The following ZNF107 variants were observed in gnomAD, a reference collection of about 807,000 sequenced individuals.
ZNF107 encodes the protein zinc finger protein 107.
A neutral mutation model predicts 12.3 loss-of-function variants in ZNF107; 19 were observed. The observed-to-expected ratio is 1.55, with a 90% confidence interval of 1.08 to 2.27. The LOEUF (loss-of-function observed/expected upper bound fraction) is 2.27, where lower values mean the gene tolerates loss of function less well. ZNF107 is among the 30% of genes most tolerant of loss of function. The probability of loss-of-function intolerance (pLI) is 0.00; values close to 1 mark genes in which losing one functional copy is unlikely to be tolerated. For synonymous variants in ZNF107, 317 were observed against 330.5 expected, an observed-to-expected ratio of 0.96 and a Z score of 0.44; for missense variants, 958 against 979.9, an observed-to-expected ratio of 0.98 and a Z score of 0.30.
Position 64,709,831 on chromosome 7 carries a change from G to A in ZNF107, c.*1175G>A. The A allele has an allele frequency of 4.6e-6, 2 of 434,882 alleles. No homozygotes were observed. Among genetic ancestry groups the A allele is most frequent in the Non-Finnish European group, 9.1e-6 (2 of 219,720 alleles). 26.9% of individuals were successfully genotyped at this position (434,882 alleles called of 1,614,324 possible). ...CTTTCAGAAAATATAAGCCTTTAAAGTGAAGAAGAGGAGCCAGTTGTGCTG... is the reference window on the plus strand; with the variant it reads ...CTTTCAGAAAATATAAGCCTTTAAAATGAAGAAGAGGAGCCAGTTGTGCTG... On this transcript the variant is annotated 3_prime_UTR_variant, in exon 4 of 4. Transcript: ENST00000620827.
chr7:64,695,249 TACTC>T (rs1376923986), intron 3 of ZNF107, among the ~76,000 whole-genome samples: 6 of 152,166 alleles, frequency 3.9e-5, no homozygotes, highest in Admixed American at 3.9e-4. Flanking sequence ...TCCTTTTAAA[TACTC>T]ATTTATTAAA....
chr7:64,685,160 A>G (rs1049993148), intron 1 of ZNF107, among the ~76,000 whole-genome samples: 1 of 152,116 alleles, frequency 6.6e-6, no homozygotes, highest in African/African-American at 2.4e-5. Flanking sequence ...AGCCTCACCC[A>G]TTACACAAGT....
intron 3 of ZNF107, among the ~76,000 whole-genome samples, chr7:64,692,950 C>A (rs975642481): frequency 4.1e-4 from 63 of 151,836 alleles, no homozygotes; most frequent in Non-Finnish European, 8.8e-5. Flanking sequence ...CAACCAGCAA[C>A]TTTTTACTTG....
chr7:64,666,349 G>A, intron 1 of ZNF107, 64 bp downstream of exon 1: 6 of 1,582,466 alleles, frequency 3.8e-6, no homozygotes, highest in South Asian at 2.3e-5. Context: ...GATCGGAAGT[G>A]GCTGTGGCTG....
chr7:64,685,144 A>G (rs1789854520), intron 1 of ZNF107, among the ~76,000 whole-genome samples: 1 of 152,172 alleles, frequency 6.6e-6, no homozygotes, highest in African/African-American at 2.4e-5. Context: ...ACGCTCCTAC[A>G]TGTCCAGCCT....
In ZNF107 at chr7:64,707,769, A is replaced by AAAAC; in HGVS notation, c.1672_1673insAAAC (p.Ile558LysfsTer10). 1 of 1,612,242 alleles carries AAAAC rather than the reference A, an allele frequency of 6.2e-7. No individual in the cohort carries two copies. The highest frequency in any genetic ancestry group is 1.7e-5 in the Admixed American group (1 of 59,716). On this transcript the variant is annotated frameshift_variant, in exon 4 of 4. Transcript: ENST00000620827. LOFTEE classifies it low-confidence loss of function (END_TRUNC). ...CTCAACCCTTACTAAACATAAGAGA[A>AAAAC]TTCATACTGGAGAAAAACCCTATAA...
At chr7:64,702,099 A>G (rs1358331127) in intron 3 of ZNF107, among the ~76,000 whole-genome samples, 2 of 152,074 alleles carry the variant, frequency 1.3e-5, no homozygotes, top group Admixed American at 6.6e-5. Flanking sequence ...AAATATTTTC[A>G]TAATGGTCAT....
At chr7:64,675,669 G>C in intron 1 of ZNF107, among the ~76,000 whole-genome samples, 1 of 152,046 alleles carries the variant, frequency 6.6e-6, no homozygotes, top group African/African-American at 2.4e-5. Context: ...CTGCTCTCAT[G>C]CTTTTGTTTA....
At position 64,709,707 on chromosome 7, in the gene ZNF107, G is replaced by A. The variant is rs1445893267; in HGVS notation, c.*1051G>A. 1 of 455,626 alleles carries A rather than the reference G, an allele frequency of 2.2e-6. No individual in the cohort carries two copies. Among genetic ancestry groups the A allele is most frequent in the African/African-American group, 2.0e-5 (1 of 50,032 alleles). 28.2% of individuals were successfully genotyped at this position (455,626 alleles called of 1,614,324 possible). A position where few individuals can be genotyped will look rare whatever the true frequency, so the allele number is the denominator to read the frequency against. ...CTTCAGAAAGATTGTACAAATACAA[G>A]GAATGTGGAAAAGCCATTATTATCT... On this transcript the variant is annotated 3_prime_UTR_variant, in exon 4 of 4. Coordinates refer to ENST00000620827, the MANE Select transcript of ZNF107 (RefSeq NM_001282359.2).
intron 3 of ZNF107, among the ~76,000 whole-genome samples, chr7:64,699,975 G>C (rs1273677680): frequency 6.7e-6 from 1 of 149,490 alleles, no homozygotes; most frequent in African/African-American, 2.5e-5. Flanking sequence ...GCTGAGGCAA[G>C]AGAATGGTGT....
At chr7:64,679,355 T>G (rs1789559190) in intron 1 of ZNF107, 7 of 984,996 alleles carry the variant, frequency 7.1e-6, no homozygotes, top group South Asian at 4.7e-5. Flanking sequence ...CCTCCATCCT[T>G]TCTCAAACTT....
intron 3 of ZNF107, among the ~76,000 whole-genome samples, chr7:64,701,821 A>G (rs970994039): frequency 6.6e-6 from 1 of 152,080 alleles, no homozygotes; most frequent in African/African-American, 2.4e-5. Flanking sequence ...GGGTTTTGTT[A>G]TGTTGCCTAG....
At chr7:64,680,430 G>A (rs984458172) in intron 1 of ZNF107, among the ~76,000 whole-genome samples, 1 of 152,190 alleles carries the variant, frequency 6.6e-6, no homozygotes, top group Non-Finnish European at 1.5e-5. Context: ...GACCACTGGC[G>A]CCTTGAGCCA....
At chr7:64,698,483 T>A (rs1790367540) in intron 3 of ZNF107, among the ~76,000 whole-genome samples, 1 of 151,932 alleles carries the variant, frequency 6.6e-6, no homozygotes, top group African/African-American at 2.4e-5. Context: ...AGTGCAGTGG[T>A]GTGATCTCAG....
Position 64,699,457 on chromosome 7 carries a change from C to T in ZNF107, c.227-6867C>T, listed in dbSNP as rs2128965869. 2.0e-5 allele frequency among the ~76,000 whole-genome samples: 3 copies of T among 152,256 alleles called. No individual in the cohort carries two copies. The East Asian group carries it at 5.8e-4, about 29-fold the overall frequency. ...TTGTTTTGAGACAGGATCTTACTCT[C>T]ACCCAGGCTAAAGTGCAGTGGTATG... On this transcript the variant is annotated intron_variant, in intron 3 of 3. Coordinates refer to ENST00000620827, the MANE Select transcript of ZNF107 (RefSeq NM_001282359.2).
At chr7:64,691,824 T>C in intron 2 of ZNF107, 41 bp from the exon 3 acceptor site, 1 of 1,177,636 alleles carries the variant, frequency 8.5e-7, no homozygotes, top group Non-Finnish European at 1.1e-6. Context: ...TTGGAGAATA[T>C]GATTAAGATT....
At chr7:64,669,070 C>A (rs529794053) in intron 1 of ZNF107, 1 of 122,652 alleles carries the variant, frequency 8.2e-6, no homozygotes, top group Non-Finnish European at 1.6e-5. Context: ...GGCTGAAGGG[C>A]AGTGGTGCGA....
In ZNF107 at chr7:64,707,039, G is replaced by A. The variant is rs199547761; in HGVS notation, c.942G>A (p.Lys314=). The change falls in exon 4 of 4, where the codon AAG becomes AAA. Residue 314 remains lysine (K), a synonymous_variant. Coordinates refer to ENST00000620827, the MANE Select transcript of ZNF107 (RefSeq NM_001282359.2). ...KILHTGENLY[K]CKECGKAFNL... is the part of the protein sequence containing the mutation. ...TTCACACTGGAGAGAACCTCTACAA[G>A]TGTAAAGAATGTGGAAAAGCTTTTA... The A allele has an allele frequency of 3.7e-6, 6 of 1,612,352 alleles. No individual in the cohort carries two copies. In the Admixed American group the frequency reaches 6.7e-5, roughly 18 times the overall value.
rs1790805883 is a variant in ZNF107 at position 64,709,248 on chromosome 7, C to T, written c.*592C>T. The T allele has an allele frequency of 1.1e-5, 4 of 377,048 alleles. No individual in the cohort carries two copies. Among genetic ancestry groups the T allele is most frequent in the South Asian group, 9.0e-5 (4 of 44,296 alleles). The allele number at this position is 377,048 out of a possible 1,614,324, so 23.4% of individuals were successfully genotyped here. On this transcript the variant is annotated 3_prime_UTR_variant, in exon 4 of 4. Coordinates refer to ENST00000620827, the MANE Select transcript of ZNF107 (RefSeq NM_001282359.2). ...TGTGGCAAAGCTTTTAACTGATTCT[C>T]AACTCTTACTACATGTAAGAGTATT... is the stretch of plus-strand genomic sequence containing the variant.
Sources: allele counts gnomAD v4.1 joint callset (sites outside exome capture counted in the v4.1 genomes callset), GRCh38; gene constraint gnomAD v4.1.1; transcripts MANE v1.5; gene names NCBI Gene and HGNC (gene_info 2026-07-23, HGNC 2026-07-21).